The following PRKD3 variants were observed in gnomAD, a reference collection of about 807,000 sequenced individuals.
PRKD3 encodes the protein serine/threonine-protein kinase D3.
A neutral mutation model predicts 99.2 loss-of-function variants in PRKD3; 47 were observed. That is an observed-to-expected ratio of 0.47 (90% CI 0.38 to 0.60). The LOEUF (loss-of-function observed/expected upper bound fraction) is 0.60, where lower values mean the gene tolerates loss of function less well. Ranked by LOEUF, PRKD3 falls within the 20% of genes least tolerant of loss-of-function variation. PRKD3 has a pLI of 0.00. For missense variants in PRKD3, 1,019 were observed against 1,088.4 expected (o/e 0.94, Z 0.90); for synonymous variants, 392 against 355.4 (o/e 1.10, Z -1.16).
chr2:37,297,233 T>C (rs1489277945), intron 2 of PRKD3, among the ~76,000 whole-genome samples: 2 of 152,210 alleles, frequency 1.3e-5, no homozygotes, highest in Non-Finnish European at 2.9e-5. Flanking sequence ...ATTTCAGGTT[T>C]ATGGTTAAGC....
intron 10 of PRKD3, among the ~76,000 whole-genome samples, chr2:37,275,556 C>A (rs576168301): frequency 6.6e-6 from 1 of 152,028 alleles, no homozygotes; most frequent in Non-Finnish European, 1.5e-5. Context: ...AATAAATACA[C>A]GACAACAACA....
At chr2:37,264,029 C>G (rs543721829) in intron 14 of PRKD3, among the ~76,000 whole-genome samples, 2 of 152,316 alleles carry the variant, frequency 1.3e-5, no homozygotes, top group South Asian at 2.1e-4. Flanking sequence ...TCCCACTACT[C>G]TACTACCCTC....
intron 2 of PRKD3, among the ~76,000 whole-genome samples, chr2:37,303,032 C>T (rs1298894753): frequency 1.3e-5 from 2 of 152,104 alleles, no homozygotes; most frequent in East Asian, 1.9e-4. Flanking sequence ...GCCCCACGGC[C>T]CAACCCCTGT....
At chr2:37,290,088 C>G (rs1670326553) in intron 4 of PRKD3, among the ~76,000 whole-genome samples, 1 of 152,192 alleles carries the variant, frequency 6.6e-6, no homozygotes, top group African/African-American at 2.4e-5. Context: ...AAGTCTAAAA[C>G]ATTTACTCTC....
chr2:37,272,423 G>T lies in PRKD3; in HGVS notation c.1661C>A (p.Ser554Tyr). ...PGQGKDHKDLSTSISVSNCQI... is the reference protein window; with the variant it reads ...PGQGKDHKDLYTSISVSNCQI... Reference sequence around the variant, plus strand: ...ACAATTAGATACAGAGATACTTGTAGACAAATCTTCTGTAAAATATAAAAA... The same window carrying T: ...ACAATTAGATACAGAGATACTTGTATACAAATCTTCTGTAAAATATAAAAA... Residue 554 changes from serine to tyrosine, a missense_variant, in exon 12 of 19, where the codon TCT (serine) becomes TAT (tyrosine). By Grantham distance (144) the Ser-to-Tyr change is moderately radical. Around this residue, in one of 3 missense-constraint regions of PRKD3, gnomAD observed 710 missense variants for 692.7 expected, o/e 1.02. Coordinates refer to ENST00000234179, the MANE Select transcript of PRKD3 (RefSeq NM_005813.6). The T allele has an allele frequency of 6.2e-7, 1 of 1,603,846 alleles. No individual in the cohort carries two copies. Among genetic ancestry groups the T allele is most frequent in the Non-Finnish European group, 8.5e-7 (1 of 1,177,004 alleles).
In PRKD3 at chr2:37,269,448, GA is replaced by G. The variant is rs1669071836; in HGVS notation, c.1777+166del. Reference sequence around the variant, plus strand: ...AAAGTTTGCAATGACATTAAGGGAAGAATACTCAAATTACAGTGAGAAGGAT... The same window carrying G: ...AAAGTTTGCAATGACATTAAGGGAAGATACTCAAATTACAGTGAGAAGGAT... On this transcript the variant is annotated intron_variant, in intron 13 of 18. Transcript: ENST00000234179. 4.9e-6 allele frequency: 3 copies of G among 615,868 alleles called. No homozygotes were observed. The South Asian group carries it at 5.9e-5, about 12-fold the overall frequency. The allele number at this position is 615,868 out of a possible 1,614,324, so 38.2% of individuals were successfully genotyped here.
chr2:37,287,800 C>A (rs1670194455), intron 5 of PRKD3, among the ~76,000 whole-genome samples: 1 of 152,102 alleles, frequency 6.6e-6, no homozygotes, highest in African/African-American at 2.4e-5. Context: ...TCATAGTTAC[C>A]AAAATCTACT....
chr2:37,303,713 T>C (rs1671040137), intron 2 of PRKD3, among the ~76,000 whole-genome samples: 1 of 152,238 alleles, frequency 6.6e-6, no homozygotes, highest in South Asian at 2.1e-4. Context: ...ATCACTGAGA[T>C]TACAGGTATG....
intron 13 of PRKD3, 69 bp downstream of exon 13, chr2:37,269,546 G>T: frequency 7.4e-7 from 1 of 1,351,008 alleles, no homozygotes. Flanking sequence ...CAAAACAGCT[G>T]GCAGATGTTT....
At chr2:37,314,673 A>G (rs911678042) in intron 2 of PRKD3, among the ~76,000 whole-genome samples, 1 of 148,820 alleles carries the variant, frequency 6.7e-6, no homozygotes, top group Non-Finnish European at 1.5e-5. Context: ...AAAGATTGAA[A>G]ACTAAATCAT....
chr2:37,300,241 T>A (rs1192931808), intron 2 of PRKD3, among the ~76,000 whole-genome samples: 1 of 152,100 alleles, frequency 6.6e-6, no homozygotes, highest in East Asian at 1.9e-4. Flanking sequence ...AAGTAGAGAA[T>A]AACATTTCAG....
Position 37,254,270 on chromosome 2 carries a change from A to G in PRKD3, c.2433T>C (p.Asn811=). ...GTTTTCTCATCTTCACTTGAAGCAG[A>G]TTGTTTATCAGATCAATTGCTAAGG... ...ISGEAIDLIN[N]LLQVKMRKRY... The change falls in exon 18 of 19, where the codon AAT becomes AAC. Residue 811 remains asparagine, a synonymous_variant. Transcript: ENST00000234179. The G allele has an allele frequency of 6.2e-7, 1 of 1,613,216 alleles. No homozygotes were observed. Among genetic ancestry groups the G allele is most frequent in the South Asian group, 1.1e-5 (1 of 91,042 alleles).
intron 5 of PRKD3, among the ~76,000 whole-genome samples, chr2:37,286,797 T>C (rs1389711093): frequency 1.3e-5 from 2 of 152,186 alleles, no homozygotes; most frequent in Non-Finnish European, 2.9e-5. Context: ...TATACATACA[T>C]TTTAAGTCTA....
chr2:37,299,288 A>C lies in PRKD3; in HGVS notation c.289-6017T>G, dbSNP rs141721561. 4.1e-3 allele frequency among the ~76,000 whole-genome samples: 628 copies of C among 152,186 alleles called. 6 individuals carry two copies. The highest frequency in any genetic ancestry group is 0.014 in the African/African-American group (599 of 41,526). The stretch of plus-strand genomic sequence containing the variant: ...TTCTAGAAGAAAACAATGGGGAAAC[A>C]CTCCAGGACATTAGCCTGGGCAAAG... On this transcript the variant is annotated intron_variant, in intron 2 of 18. Transcript: ENST00000234179.
intron 8 of PRKD3, chr2:37,278,621 C>G (rs1669687474): frequency 6.6e-6 from 1 of 152,142 alleles, no homozygotes; most frequent in Non-Finnish European, 1.5e-5. Flanking sequence ...CTTTTTTAAA[C>G]TATGAAGTAT....
intron 1 of PRKD3, among the ~76,000 whole-genome samples, chr2:37,322,817 T>A (rs995702420): frequency 6.6e-6 from 1 of 152,216 alleles, no homozygotes; most frequent in African/African-American, 2.4e-5. Context: ...AGACTCAAAG[T>A]ACAATCATCA....
intron 17 of PRKD3, 21 bp from the exon 18 acceptor site, chr2:37,254,310 A>C: frequency 6.3e-7 from 1 of 1,594,216 alleles, no homozygotes; most frequent in Non-Finnish European, 8.6e-7. Flanking sequence ...AGACAAAACA[A>C]GATACATGAA....
intron 1 of PRKD3, among the ~76,000 whole-genome samples, chr2:37,319,757 A>T (rs201486384): frequency 1.1e-4 from 6 of 54,018 alleles, no homozygotes; most frequent in Admixed American, 3.3e-4. Context: ...ATACTGATTT[A>T]AAAAAAAAAA....
chr2:37,268,251 T>A (rs1414939668), intron 13 of PRKD3: 7 of 461,820 alleles, frequency 1.5e-5, no homozygotes, highest in Non-Finnish European at 3.1e-5. Flanking sequence ...GTAAGTCTAC[T>A]TGAAAAGACT....
Sources: allele counts gnomAD v4.1 joint callset (sites outside exome capture counted in the v4.1 genomes callset), GRCh38; gene constraint gnomAD v4.1.1; regional missense constraint gnomAD v4.1.1; transcripts MANE v1.5; gene names NCBI Gene and HGNC (gene_info 2026-07-23, HGNC 2026-07-21).